The following GHR variants were observed in gnomAD, a reference collection of about 807,000 sequenced individuals.
The protein encoded by GHR is GH receptor.
A neutral mutation model predicts 67.1 loss-of-function variants in GHR; 35 were observed. The observed-to-expected ratio is 0.52, with a 90% confidence interval of 0.40 to 0.69. GHR has a LOEUF of 0.69. Ranked by LOEUF, GHR falls within the 30% of genes least tolerant of loss-of-function variation. The pLI, the probability that GHR is intolerant of heterozygous loss-of-function variation, is 0.00. For missense variants in GHR, 792 were observed against 764.6 expected (o/e 1.04, Z -0.42); for synonymous variants, 272 against 269.1 (o/e 1.01, Z -0.10).
intron 1 of GHR, among the ~76,000 whole-genome samples, chr5:42,555,132 T>C (rs1749239489): frequency 6.6e-6 from 1 of 152,152 alleles, no homozygotes; most frequent in African/African-American, 2.4e-5. Flanking sequence ...TAGACTTCTA[T>C]TTTTACATAG....
intron 3 of GHR, among the ~76,000 whole-genome samples, chr5:42,635,787 T>A (rs939570452): frequency 6.6e-6 from 1 of 152,216 alleles, no homozygotes; most frequent in Non-Finnish European, 1.5e-5. Context: ...ACCTTTGGAA[T>A]GCAGGTCCCT....
chr5:42,697,387 G>A (rs968252384), intron 5 of GHR, among the ~76,000 whole-genome samples: 24 of 152,344 alleles, frequency 1.6e-4, no homozygotes, highest in African/African-American at 5.8e-4. Context: ...AGGATGGAAA[G>A]CGACAATGCT....
intron 2 of GHR, among the ~76,000 whole-genome samples, chr5:42,606,369 C>A (rs1752629950): frequency 6.6e-6 from 1 of 152,072 alleles, no homozygotes; most frequent in Admixed American, 6.6e-5. Flanking sequence ...TTATTTGGTT[C>A]ATGGTTCTGC....
At chr5:42,536,589 C>T (rs1318327756) in intron 1 of GHR, among the ~76,000 whole-genome samples, 1 of 152,062 alleles carries the variant, frequency 6.6e-6, no homozygotes, top group Non-Finnish European at 1.5e-5. Context: ...AAGAGTTTAG[C>T]ATCTATGTTT....
At chr5:42,506,487 A>T (rs892076746) in intron 1 of GHR, among the ~76,000 whole-genome samples, 1 of 152,210 alleles carries the variant, frequency 6.6e-6, no homozygotes. Context: ...GGAGCAAAAA[A>T]TTTAAAAAGT....
intron 3 of GHR, among the ~76,000 whole-genome samples, chr5:42,671,374 C>G (rs1189438635): frequency 6.6e-6 from 1 of 151,992 alleles, no homozygotes. Context: ...AAGGACAGCA[C>G]CAAGCCATAA....
At chr5:42,588,173 T>C (rs939748172) in intron 2 of GHR, among the ~76,000 whole-genome samples, 3 of 152,118 alleles carry the variant, frequency 2.0e-5, no homozygotes, top group Non-Finnish European at 4.4e-5. Flanking sequence ...GAGGCTTCCA[T>C]GATTGTATTT....
intron 6 of GHR, among the ~76,000 whole-genome samples, chr5:42,706,873 T>C (rs1428277848): frequency 6.6e-6 from 1 of 152,028 alleles, no homozygotes; most frequent in East Asian, 1.9e-4. Flanking sequence ...ATTTGGGCTG[T>C]TTTTTGCTTC....
chr5:42,504,333 G>A (rs1486507414), intron 1 of GHR, among the ~76,000 whole-genome samples: 1 of 152,134 alleles, frequency 6.6e-6, no homozygotes. Context: ...AAGAAATGGG[G>A]ACAGTGTCAA....
chr5:42,454,849 T>C (rs1744195304), intron 1 of GHR, among the ~76,000 whole-genome samples: 1 of 152,156 alleles, frequency 6.6e-6, no homozygotes, highest in East Asian at 1.9e-4. Context: ...ACAAGGTTCC[T>C]GTGCTCATAT....
chr5:42,536,698 T>C (rs554152369), intron 1 of GHR, among the ~76,000 whole-genome samples: 1 of 152,298 alleles, frequency 6.6e-6, no homozygotes, highest in East Asian at 1.9e-4. Flanking sequence ...TAGGGAGGGT[T>C]CCCTCTTTCT....
chr5:42,701,382 T>C (rs577357908), intron 6 of GHR, among the ~76,000 whole-genome samples: 1 of 152,328 alleles, frequency 6.6e-6, no homozygotes, highest in African/African-American at 2.4e-5. Context: ...CTTATTAATA[T>C]TCTGTGTGAC....
intron 1 of GHR, among the ~76,000 whole-genome samples, chr5:42,433,666 A>G (rs1288966120): frequency 6.6e-6 from 1 of 151,356 alleles, no homozygotes; most frequent in East Asian, 1.9e-4. Context: ...ATCTGTTTGG[A>G]CTGAGGGATT....
chr5:42,495,392 A>G lies in GHR; in HGVS notation c.-11-70472A>G, dbSNP rs561960164. ...CCCCTCAGTGATTCATTAATTATTC[A>G]TTAGCTGTTTTTTTCCACCAGGATT... On this transcript the variant is annotated intron_variant, in intron 1 of 9. Transcript: ENST00000230882. 2.6e-4 allele frequency among the ~76,000 whole-genome samples: 40 copies of G among 152,130 alleles called. 1 individual carries two copies. Among genetic ancestry groups the G allele is most frequent in the Non-Finnish European group, 3.5e-4 (24 of 67,984 alleles).
chr5:42,453,093 A>T, intron 1 of GHR, among the ~76,000 whole-genome samples: 1 of 150,060 alleles, frequency 6.7e-6, no homozygotes. Flanking sequence ...TAAGAATCAG[A>T]CTCTAATGTT....
At chr5:42,718,146 G>A (rs1300601260) in intron 9 of GHR, 25 bp downstream of exon 9, 4 of 1,171,334 alleles carry the variant, frequency 3.4e-6, no homozygotes, top group Non-Finnish European at 5.2e-6. Flanking sequence ...TATCTAAATT[G>A]TAGCTAGTAC....
chr5:42,663,239 T>A (rs941800358), intron 3 of GHR, among the ~76,000 whole-genome samples: 13 of 152,204 alleles, frequency 8.5e-5, no homozygotes, highest in Middle Eastern at 3.2e-3. Flanking sequence ...CTCTAACTCA[T>A]TTTATGAGGC....
chr5:42,590,291 A>G (rs1334015685), intron 2 of GHR, among the ~76,000 whole-genome samples: 1 of 152,224 alleles, frequency 6.6e-6, no homozygotes, highest in Non-Finnish European at 1.5e-5. Context: ...TAATAATAAT[A>G]AAGATTTCAG....
intron 2 of GHR, among the ~76,000 whole-genome samples, chr5:42,623,138 G>A (rs1254239924): frequency 6.6e-6 from 1 of 152,064 alleles, no homozygotes; most frequent in Non-Finnish European, 1.5e-5. Flanking sequence ...TAATTATATT[G>A]TAAATGAAAT....
Sources: allele counts gnomAD v4.1 joint callset (sites outside exome capture counted in the v4.1 genomes callset), GRCh38; gene constraint gnomAD v4.1.1; transcripts MANE v1.5; gene names NCBI Gene and HGNC (gene_info 2026-07-23, HGNC 2026-07-21).